Variants in PRDM5 observed in about 807,000 individuals in gnomAD.
PRDM5 encodes the protein PR domain zinc finger protein 5.
In PRDM5, 56 loss-of-function variants were observed where a neutral mutation model predicts 81.2. The observed-to-expected ratio is 0.69, with a 90% CI of 0.56 to 0.86. The LOEUF (loss-of-function observed/expected upper bound fraction) is 0.86. Ranked by LOEUF, PRDM5 falls within the 40% of genes least tolerant of loss-of-function variation. The pLI is 0.00. For missense variants in PRDM5, 697 were observed against 770.1 expected, an observed-to-expected ratio of 0.91 and a Z score of 1.12; for synonymous variants, 267 against 256.4, an observed-to-expected ratio of 1.04 and a Z score of -0.39.
chr4:120,858,583 GCACGCACGCACACACACACACA>G (rs1460004231), intron 2 of PRDM5, among the ~76,000 whole-genome samples: 1 of 148,202 alleles, frequency 6.7e-6, no homozygotes, highest in Non-Finnish European at 1.5e-5. Context: ...GCGTGCGCGC[GCACGCACGCACACACACACACA>G]CCATTGTAGC....
intron 15 of PRDM5, among the ~76,000 whole-genome samples, chr4:120,706,711 T>TA (rs1736210985): frequency 2.8e-4 from 8 of 28,902 alleles, no homozygotes; most frequent in East Asian, 2.4e-3. Flanking sequence ...AAAACTGGTT[T>TA]TATATATATA....
chr4:120,757,567 G>A (rs1339165312), intron 13 of PRDM5, among the ~76,000 whole-genome samples: 4 of 152,182 alleles, frequency 2.6e-5, no homozygotes, highest in African/African-American at 9.7e-5. Context: ...CAGAAGAGAT[G>A]AGCATTTGAA....
chr4:120,851,634 T>C (rs536849546), intron 3 of PRDM5, among the ~76,000 whole-genome samples: 3 of 152,268 alleles, frequency 2.0e-5, no homozygotes, highest in Non-Finnish European at 4.4e-5. Flanking sequence ...AAAGGGACAG[T>C]AGTCACATTG....
chr4:120,854,380 GA>G (rs1350095478), intron 2 of PRDM5, among the ~76,000 whole-genome samples: 1 of 151,288 alleles, frequency 6.6e-6, no homozygotes, highest in Non-Finnish European at 1.5e-5. Flanking sequence ...TTAGAATCCA[GA>G]AAAAAAAGGA....
intron 8 of PRDM5, among the ~76,000 whole-genome samples, chr4:120,803,842 C>A (rs532882625): frequency 1.1e-4 from 16 of 152,174 alleles, no homozygotes; most frequent in Non-Finnish European, 2.4e-4. Context: ...GGATCAAATT[C>A]ACACATAACA....
chr4:120,887,301 C>G (rs1156636571), intron 2 of PRDM5, among the ~76,000 whole-genome samples: 1 of 152,086 alleles, frequency 6.6e-6, no homozygotes, highest in Non-Finnish European at 1.5e-5. Context: ...TAGTTACCTT[C>G]AACACACAAC....
At chr4:120,780,498 A>C (rs978332758) in intron 12 of PRDM5, among the ~76,000 whole-genome samples, 7 of 152,198 alleles carry the variant, frequency 4.6e-5, no homozygotes, top group African/African-American at 7.2e-5. Context: ...GTTACAATAC[A>C]AATTTTACTA....
At chr4:120,706,439 A>G (rs1390004908) in intron 15 of PRDM5, among the ~76,000 whole-genome samples, 1 of 152,114 alleles carries the variant, frequency 6.6e-6, no homozygotes, top group Non-Finnish European at 1.5e-5. Flanking sequence ...TGGGGATGGT[A>G]CAGTCCTCAG....
intron 3 of PRDM5, among the ~76,000 whole-genome samples, chr4:120,822,467 C>G (rs343183): frequency 0.77 from 116,867 of 152,080 alleles, 45,088 homozygotes; most frequent in East Asian, 0.87. Context: ...TGTTTAAAAG[C>G]AGGAGGAGGA....
downstream of PRDM5, among the ~76,000 whole-genome samples, chr4:120,691,158 C>G (rs1734033904): frequency 6.6e-6 from 1 of 152,082 alleles, no homozygotes; most frequent in Non-Finnish European, 1.5e-5. Flanking sequence ...GACATTGCAT[C>G]TGCAGCACTA....
At chr4:120,737,955 A>G (rs1741356539) in intron 14 of PRDM5, among the ~76,000 whole-genome samples, 1 of 152,232 alleles carries the variant, frequency 6.6e-6, no homozygotes, top group South Asian at 2.1e-4. Flanking sequence ...ACTAGATGCC[A>G]GGCACACAGC....
intron 14 of PRDM5, among the ~76,000 whole-genome samples, chr4:120,753,837 A>C (rs1208892543): frequency 1.3e-5 from 2 of 152,230 alleles, no homozygotes; most frequent in Non-Finnish European, 2.9e-5. Flanking sequence ...AAACAATATA[A>C]AATTTCCATG....
rs368032904 is a variant in PRDM5, at chr4:120,778,575, T to C, written c.1444-1294A>G. ...TTAAAATGTGTATTTGGATATGTAC[T>C]ATCATATTTATAATTTTTAAAGAGC... On this transcript the variant is annotated intron_variant, in intron 12 of 15. Coordinates refer to ENST00000264808, the MANE Select transcript of PRDM5 (RefSeq NM_018699.4). 2.3e-4 allele frequency among the ~76,000 whole-genome samples: 35 copies of C among 152,324 alleles called. No individual in the cohort carries two copies. The East Asian group carries it at 3.3e-3, about 14-fold the overall frequency.
In PRDM5 at chr4:120,695,039, T is replaced by G; in HGVS notation, c.*72A>C. Reference sequence around the variant, plus strand: ...TCACTTTTGGCTACTTCTGTTATGCTGATCAGGTGATAAAAATCTGGGATT... The same window carrying G: ...TCACTTTTGGCTACTTCTGTTATGCGGATCAGGTGATAAAAATCTGGGATT... On this transcript the variant is annotated 3_prime_UTR_variant, in exon 16 of 16. Coordinates refer to ENST00000264808, the MANE Select transcript of PRDM5 (RefSeq NM_018699.4). 1.3e-6 allele frequency: 2 copies of G among 1,527,498 alleles called. No individual in the cohort carries two copies. The highest frequency in any genetic ancestry group is 1.8e-6 in the Non-Finnish European group (2 of 1,103,682). 94.6% of individuals were successfully genotyped at this position (1,527,498 alleles called of 1,614,324 possible). A position where few individuals can be genotyped will look rare whatever the true frequency, so the allele number is the denominator to read the frequency against.
chr4:120,837,429 A>G (rs1757488334), intron 3 of PRDM5: 1 of 152,246 alleles, frequency 6.6e-6, no homozygotes, highest in Non-Finnish European at 1.5e-5. Flanking sequence ...ATTAAAAGTC[A>G]TCAACTTTAT....
chr4:120,846,328 A>G (rs1489725878), intron 3 of PRDM5, among the ~76,000 whole-genome samples: 1 of 152,196 alleles, frequency 6.6e-6, no homozygotes, highest in East Asian at 1.9e-4. Flanking sequence ...TGATGCAGCA[A>G]ACTTCATTGT....
At chr4:120,748,267 C>T (rs1743439758) in intron 14 of PRDM5, among the ~76,000 whole-genome samples, 1 of 152,156 alleles carries the variant, frequency 6.6e-6, no homozygotes, top group Non-Finnish European at 1.5e-5. Context: ...TGGCAGCATA[C>T]CTGGGGTACC....
intron 3 of PRDM5, among the ~76,000 whole-genome samples, chr4:120,835,131 T>C (rs1298729512): frequency 2.6e-5 from 4 of 152,164 alleles, no homozygotes; most frequent in African/African-American, 9.7e-5. Flanking sequence ...GGTGAAGCAA[T>C]TAGGACTAAG....
chr4:120,754,723 C>A (rs1561101013), intron 13 of PRDM5, 85 bp from the exon 14 acceptor site: 1 of 934,250 alleles, frequency 1.1e-6, no homozygotes, highest in Non-Finnish European at 1.7e-6. Flanking sequence ...CACTCAGATC[C>A]TGGCCACCGC....
Sources: allele counts gnomAD v4.1 joint callset (sites outside exome capture counted in the v4.1 genomes callset), GRCh38; gene constraint gnomAD v4.1.1; transcripts MANE v1.5; gene names NCBI Gene and HGNC (gene_info 2026-07-23, HGNC 2026-07-21).